Variants in DIAPH2 observed in about 807,000 individuals in gnomAD.
DIAPH2 encodes the protein diaphanous related formin 2.
In DIAPH2, 35 loss-of-function variants were observed where a neutral mutation model predicts 92.7. That is an observed-to-expected ratio of 0.38 (90% CI 0.29 to 0.50). The LOEUF is 0.50. Among genes scored for constraint, DIAPH2 ranks in the 20% least tolerant of loss-of-function variants. The pLI is 0.94. For missense variants in DIAPH2, 701 were observed against 819.5 expected (o/e 0.86, Z 1.77); for synonymous variants, 301 against 280.4 (o/e 1.07, Z -0.73).
At chrX:96,965,724 A>G (rs757857706) in intron 17 of DIAPH2, among the ~76,000 whole-genome samples, 20 of 111,758 alleles carry the variant, frequency 1.8e-4, no homozygotes, top group African/African-American at 6.5e-4. Context: ...CCAGTACCTT[A>G]TAAGTATTGT....
At chrX:96,854,140 C>A (rs2065022137) in intron 4 of DIAPH2, among the ~76,000 whole-genome samples, 1 of 110,874 alleles carries the variant, frequency 9.0e-6, no homozygotes, top group Non-Finnish European at 1.9e-5. Flanking sequence ...TCATTTAAAT[C>A]CAAAGCTAAG....
At chrX:97,279,401 T>G (rs2068478166) in intron 23 of DIAPH2, among the ~76,000 whole-genome samples, 1 of 102,556 alleles carries the variant, frequency 9.8e-6, no homozygotes, top group South Asian at 4.6e-4. Context: ...CTCCCGAGAG[T>G]GGGGCGATTC....
chrX:97,492,571 G>A (rs542910055), intron 26 of DIAPH2, among the ~76,000 whole-genome samples: 9 of 111,487 alleles, frequency 8.1e-5, no homozygotes, highest in East Asian at 2.8e-4. Flanking sequence ...AAGAACTCCC[G>A]TTAGCATCAT....
chrX:97,023,457 G>A (rs964770977), intron 17 of DIAPH2, among the ~76,000 whole-genome samples: 11 of 111,405 alleles, frequency 9.9e-5, no homozygotes, highest in African/African-American at 3.3e-4. Flanking sequence ...GTAACCCAAT[G>A]AAAACTAATA....
intron 9 of DIAPH2, among the ~76,000 whole-genome samples, chrX:96,927,434 G>T (rs1239538358): frequency 9.1e-6 from 1 of 109,597 alleles, no homozygotes; most frequent in African/African-American, 3.3e-5. Flanking sequence ...GTAGTTCTTT[G>T]AAGTGAAGGT....
At chrX:96,927,386 A>G (rs182628619) in intron 9 of DIAPH2, among the ~76,000 whole-genome samples, 2 of 107,277 alleles carry the variant, frequency 1.9e-5, no homozygotes, top group East Asian at 2.9e-4. Flanking sequence ...AGTTGAGCAT[A>G]TGAATTTTGA....
intron 12 of DIAPH2, 130 bp downstream of exon 12, chrX:96,939,512 G>GTATATATATA (rs1569431021): frequency 2.2e-5 from 1 of 44,626 alleles, no homozygotes; most frequent in African/African-American, 7.1e-5. Context: ...ATATATATAT[G>GTATATATATA]TATGTATATA....
chrX:96,762,953 A>G, intron 4 of DIAPH2: 1 of 273,342 alleles, frequency 3.7e-6, no homozygotes, highest in Non-Finnish European at 5.9e-6. Flanking sequence ...TAGCCTGTAT[A>G]TCTAAAGTAT....
chrX:97,360,349 C>T (rs1357844392), intron 24 of DIAPH2, among the ~76,000 whole-genome samples: 1 of 110,192 alleles, frequency 9.1e-6, no homozygotes, highest in Non-Finnish European at 1.9e-5. Context: ...TGCGGTGGCT[C>T]ACGCCTGTAA....
intron 17 of DIAPH2, among the ~76,000 whole-genome samples, chrX:96,972,722 T>G (rs1452625227): frequency 2.7e-5 from 3 of 110,357 alleles, no homozygotes; most frequent in Non-Finnish European, 1.9e-5. Flanking sequence ...ATCCTAGAGG[T>G]AGTATAATTA....
At chrX:97,178,327 A>T (rs1031186914) in intron 22 of DIAPH2, among the ~76,000 whole-genome samples, 3 of 111,169 alleles carry the variant, frequency 2.7e-5, no homozygotes, top group African/African-American at 9.8e-5. Context: ...TATGGAAAAA[A>T]AGATAATTGT....
intron 23 of DIAPH2, among the ~76,000 whole-genome samples, chrX:97,339,790 G>T (rs991587315): frequency 1.8e-5 from 2 of 111,839 alleles, no homozygotes; most frequent in Non-Finnish European, 3.8e-5. Context: ...ATTTGTCTTT[G>T]TAGAACAAGG....
intron 25 of DIAPH2, among the ~76,000 whole-genome samples, chrX:97,420,319 T>G (rs1474891724): frequency 8.9e-6 from 1 of 111,745 alleles, no homozygotes; most frequent in African/African-American, 3.2e-5. Context: ...TCAGTTCCCC[T>G]AACAAACTTT....
chrX:96,763,548 T>G (rs887457595), intron 4 of DIAPH2, among the ~76,000 whole-genome samples: 2 of 111,589 alleles, frequency 1.8e-5, no homozygotes, highest in African/African-American at 6.5e-5. Flanking sequence ...ACCCTTTCCA[T>G]GCAGTCGGGA....
At chrX:97,233,775 AT>A (rs978147417) in intron 22 of DIAPH2, among the ~76,000 whole-genome samples, 1 of 111,415 alleles carries the variant, frequency 9.0e-6, no homozygotes, top group African/African-American at 3.3e-5. Flanking sequence ...TTGCTTTTAT[AT>A]TTTATTTATT....
chrX:97,308,936 C>T (rs1206314247), intron 23 of DIAPH2, among the ~76,000 whole-genome samples: 3 of 103,997 alleles, frequency 2.9e-5, no homozygotes, highest in South Asian at 5.0e-4. Context: ...GGAGATGGCT[C>T]GAACCTGGGA....
chrX:96,853,946 T>A (rs1304769655), intron 4 of DIAPH2, among the ~76,000 whole-genome samples: 1 of 111,907 alleles, frequency 8.9e-6, no homozygotes, highest in Non-Finnish European at 1.9e-5. Context: ...GTAAAGAAGA[T>A]CTATATACTA....
intron 4 of DIAPH2, among the ~76,000 whole-genome samples, chrX:96,785,284 A>G (rs2064446441): frequency 9.0e-6 from 1 of 110,623 alleles, no homozygotes; most frequent in South Asian, 3.9e-4. Flanking sequence ...AGAATACCTG[A>G]GGCTGGGTAA....
chrX:97,360,341 C>T (rs754681039), intron 24 of DIAPH2, among the ~76,000 whole-genome samples: 8 of 109,929 alleles, frequency 7.3e-5, no homozygotes, highest in Admixed American at 2.0e-4. Context: ...AGTCTGGGTG[C>T]GGTGGCTCAC....
Sources: gnomAD v4.1 joint callset for allele counts (sites outside exome capture counted in the v4.1 genomes callset) on GRCh38, gnomAD v4.1.1 for gene constraint, MANE v1.5 for transcripts, NCBI Gene and HGNC (gene_info 2026-07-23, HGNC 2026-07-21) for gene names.